RGS6: variants seen among roughly 807,000 people sequenced by gnomAD.
RGS6 encodes regulator of G protein signaling 6.
Under a neutral mutation model 78.5 loss-of-function variants are expected in RGS6, and 30 were observed. The ratio of observed to expected loss-of-function variants is 0.38; its 90% CI spans 0.29 to 0.52. The LOEUF is 0.52. Ranked by LOEUF, RGS6 falls within the 20% of genes least tolerant of loss-of-function variation. The pLI is 0.85. For missense variants in RGS6, 495 were observed against 609.7 expected (o/e 0.81, Z 1.98); for synonymous variants, 206 against 206.0 (o/e 1.00, Z 0.00).
intron 3 of RGS6, among the ~76,000 whole-genome samples, chr14:72,385,345 C>T (rs2087619440): frequency 6.6e-6 from 1 of 152,056 alleles, no homozygotes; most frequent in Admixed American, 6.5e-5. Context: ...AGGGATCACA[C>T]AAGGAAGAAA....
At chr14:72,629,712 G>A in the RGS6 span, 1 of 1,536,100 alleles carries the variant, frequency 6.5e-7, no homozygotes, top group Admixed American at 2.0e-5. Context: ...CATGTTCAGG[G>A]TAAACTGCAG....
intron 2 of RGS6, among the ~76,000 whole-genome samples, chr14:72,303,538 T>C (rs1001143554): frequency 3.3e-5 from 5 of 152,186 alleles, no homozygotes; most frequent in African/African-American, 1.2e-4. Flanking sequence ...AAAAACCAGC[T>C]TCCCTTAGAT....
rs114934960 is a variant in RGS6, at chr14:72,109,224, T to A, written c.84+144349T>A. Reference sequence around the variant, plus strand: ...CCTTGTTTTGAGAGCAGGTGCTGGCTAATTGTGTAACAATTTGTGATTTAT... The same window carrying A: ...CCTTGTTTTGAGAGCAGGTGCTGGCAAATTGTGTAACAATTTGTGATTTAT... On this transcript the variant is annotated intron_variant, in intron 2 of 17. Transcript: ENST00000553525. Among the ~76,000 whole-genome samples, 1,460 of 152,286 alleles carry A rather than the reference T, an allele frequency of 9.6e-3. 19 individuals carry two copies. Among genetic ancestry groups the A allele is most frequent in the African/African-American group, 0.033 (1,356 of 41,564 alleles).
At chr14:72,078,832 C>T (rs190206742) in intron 2 of RGS6, among the ~76,000 whole-genome samples, 58 of 152,228 alleles carry the variant, frequency 3.8e-4, no homozygotes, top group African/African-American at 1.0e-3. Flanking sequence ...CTACCCATCA[C>T]GGTTTTAGCT....
At chr14:72,055,419 A>G (rs2093569720) in intron 2 of RGS6, among the ~76,000 whole-genome samples, 1 of 152,186 alleles carries the variant, frequency 6.6e-6, no homozygotes, top group African/African-American at 2.4e-5. Context: ...TTGCCTTCAC[A>G]TAGAGAGGCT....
At chr14:72,353,732 C>T (rs958751355) in intron 3 of RGS6, among the ~76,000 whole-genome samples, 1 of 152,138 alleles carries the variant, frequency 6.6e-6, no homozygotes, top group African/African-American at 2.4e-5. Context: ...CCTGTAATCC[C>T]AGCACTTTAG....
chr14:72,477,783 T>C (rs2096274528), intron 11 of RGS6, among the ~76,000 whole-genome samples: 1 of 141,436 alleles, frequency 7.1e-6, no homozygotes, highest in African/African-American at 2.6e-5. Context: ...GGCAACAGAA[T>C]GAGACTCTGT....
chr14:72,477,316 A>G (rs1346539685), intron 11 of RGS6: 4 of 154,318 alleles, frequency 2.6e-5, no homozygotes, highest in Non-Finnish European at 5.7e-5. Flanking sequence ...GCCCAGGTCA[A>G]CAGACAATGG....
At chr14:72,123,904 T>C (rs1382116460) in intron 2 of RGS6, among the ~76,000 whole-genome samples, 3 of 152,194 alleles carry the variant, frequency 2.0e-5, no homozygotes, top group Non-Finnish European at 2.9e-5. Context: ...TGTCCCTCAT[T>C]TGCTGAAGGA....
At chr14:72,177,163 T>C (rs2097115615) in intron 2 of RGS6, among the ~76,000 whole-genome samples, 5 of 152,196 alleles carry the variant, frequency 3.3e-5, no homozygotes, top group Admixed American at 3.3e-4. Context: ...CTAATTTTTG[T>C]TTTTTTCAAA....
chr14:72,322,977 C>T (rs2072520040), intron 2 of RGS6, among the ~76,000 whole-genome samples: 1 of 151,978 alleles, frequency 6.6e-6, no homozygotes, highest in Non-Finnish European at 1.5e-5. Context: ...TCATTAATGT[C>T]GGCTACAAGG....
intron 2 of RGS6, among the ~76,000 whole-genome samples, chr14:72,020,131 T>C (rs897578926): frequency 6.6e-6 from 1 of 152,228 alleles, no homozygotes; most frequent in Admixed American, 6.5e-5. Context: ...AATGAGCTGA[T>C]CTTGTAATCC....
At chr14:72,247,583 T>C (rs1371996792) in intron 2 of RGS6, among the ~76,000 whole-genome samples, 7 of 152,212 alleles carry the variant, frequency 4.6e-5, no homozygotes, top group Non-Finnish European at 1.0e-4. Context: ...CGTAAAATAC[T>C]GATTTCTGTG....
chr14:72,566,652 CACACACACACACA>C (rs2097712605), downstream of RGS6: 1 of 141,044 alleles, frequency 7.1e-6, no homozygotes, highest in Non-Finnish European at 1.5e-5. Context: ...CACACACACA[CACACACACACACA>C]CACACACACA....
intron 1 of RGS6, among the ~76,000 whole-genome samples, chr14:71,938,968 C>T (rs2332687): frequency 0.51 from 77,368 of 151,980 alleles, 20,080 homozygotes; most frequent in Non-Finnish European, 0.53. Context: ...GCATCCCTAT[C>T]TGCCACTGAC....
intron 2 of RGS6, among the ~76,000 whole-genome samples, chr14:72,336,129 ATTTGGGCTACTGAGTCACTT>A (rs2075979227): frequency 6.6e-6 from 1 of 152,144 alleles, no homozygotes; most frequent in Non-Finnish European, 1.5e-5. Flanking sequence ...AGTATCTTCT[ATTTGGGCTACTGAGTCACTT>A]ATCTCTCAAA....
intron 2 of RGS6, among the ~76,000 whole-genome samples, chr14:72,223,585 G>A (rs2047392748): frequency 1.3e-5 from 2 of 152,278 alleles, no homozygotes; most frequent in Admixed American, 1.3e-4. Flanking sequence ...AGATAAATCT[G>A]GAAAGTTTGC....
chr14:72,326,637 T>C (rs2073839480), intron 2 of RGS6, among the ~76,000 whole-genome samples: 1 of 152,178 alleles, frequency 6.6e-6, no homozygotes, highest in Non-Finnish European at 1.5e-5. Flanking sequence ...GCACTGTGCT[T>C]CCTGTACAGC....
chr14:72,177,743 A>T (rs771115416), intron 2 of RGS6, among the ~76,000 whole-genome samples: 1 of 152,202 alleles, frequency 6.6e-6, no homozygotes, highest in Non-Finnish European at 1.5e-5. Context: ...TTGAGCTTTC[A>T]TCTTCTCATA....
Sources: allele counts gnomAD v4.1 joint callset (sites outside exome capture counted in the v4.1 genomes callset), GRCh38; gene constraint gnomAD v4.1.1; transcripts MANE v1.5; gene names NCBI Gene and HGNC (gene_info 2026-07-23, HGNC 2026-07-21).